Variants in ARL13B observed in about 807,000 individuals in gnomAD.
ARL13B encodes the protein ARF like GTPase 13B.
ARL13B carries 36 observed loss-of-function variants against 56.1 expected under a neutral mutation model. That is an observed-to-expected ratio of 0.64 (90% CI 0.49 to 0.85). The LOEUF is 0.85. ARL13B is among the 40% of genes least tolerant of loss of function. The probability of loss-of-function intolerance (pLI) is 0.00; values close to 1 mark genes in which losing one functional copy is unlikely to be tolerated. For synonymous variants in ARL13B, 178 were observed against 171.1 expected (o/e 1.04, Z -0.32); for missense variants, 519 against 507.1 (o/e 1.02, Z -0.23).
chr3:94,034,857 A>G (rs1486704422), intron 3 of ARL13B, among the ~76,000 whole-genome samples: 1 of 152,200 alleles, frequency 6.6e-6, no homozygotes, highest in Non-Finnish European at 1.5e-5. Context: ...TAGCAATAAT[A>G]AGGGAAAAAT....
At chr3:94,019,505 T>A (rs1575990963) in intron 3 of ARL13B, among the ~76,000 whole-genome samples, 1 of 152,180 alleles carries the variant, frequency 6.6e-6, no homozygotes, top group African/African-American at 2.4e-5. Context: ...AAGTCCCTGT[T>A]ATTTTTCATC....
intron 2 of ARL13B, among the ~76,000 whole-genome samples, chr3:94,001,650 A>G (rs1456328617): frequency 6.6e-6 from 1 of 152,030 alleles, no homozygotes; most frequent in African/African-American, 2.4e-5. Flanking sequence ...TCTATATTAC[A>G]TTGTACTTTG....
At chr3:94,045,950 C>CAAAAAA (rs1199964643) in intron 7 of ARL13B, among the ~76,000 whole-genome samples, 8 of 44,316 alleles carry the variant, frequency 1.8e-4, no homozygotes, top group African/African-American at 3.3e-4. Flanking sequence ...GACTCCATCA[C>CAAAAAA]AAAAAAAAAA....
chr3:94,039,811 T>TG (rs1249093332), intron 5 of ARL13B, 69 bp from the exon 6 acceptor site: 1 of 1,282,118 alleles, frequency 7.8e-7, no homozygotes, highest in Non-Finnish European at 1.1e-6. Flanking sequence ...TTATACCTAT[T>TG]GCAGTTTTCT....
chr3:93,997,221 A>T (rs1371801733), intron 2 of ARL13B, among the ~76,000 whole-genome samples: 2 of 152,178 alleles, frequency 1.3e-5, no homozygotes, highest in Non-Finnish European at 2.9e-5. Flanking sequence ...TGCTTGAATC[A>T]TCCTGAAACC....
chr3:94,010,106 T>C (rs919016224), intron 3 of ARL13B, among the ~76,000 whole-genome samples: 17 of 152,104 alleles, frequency 1.1e-4, no homozygotes, highest in Admixed American at 7.9e-4. Flanking sequence ...TTCTGATTTA[T>C]AGCAAAAATT....
chr3:94,005,055 A>G (rs1033133260), intron 3 of ARL13B, among the ~76,000 whole-genome samples: 8 of 151,998 alleles, frequency 5.3e-5, no homozygotes, highest in African/African-American at 1.9e-4. Flanking sequence ...TTTTTCATTT[A>G]CTCTTTTCTG....
intron 8 of ARL13B, among the ~76,000 whole-genome samples, chr3:94,050,129 A>G (rs1254442597): frequency 6.9e-6 from 1 of 144,926 alleles, no homozygotes; most frequent in Non-Finnish European, 1.5e-5. Flanking sequence ...ACTCCATTGC[A>G]CTCCAGCCTG....
At chr3:94,015,053 GC>G in intron 3 of ARL13B, 1 of 1,613,940 alleles carries the variant, frequency 6.2e-7, no homozygotes, top group Non-Finnish European at 8.5e-7. Context: ...TTCTGTTGCT[GC>G]CCAAATTTTT....
intron 1 of ARL13B, among the ~76,000 whole-genome samples, chr3:93,987,614 A>G (rs1276858202): frequency 6.6e-6 from 1 of 152,114 alleles, no homozygotes; most frequent in South Asian, 2.1e-4. Flanking sequence ...ATTGTACACA[A>G]TTCTTAACAT....
At chr3:94,044,771 A>T (rs1320284674) in intron 7 of ARL13B, among the ~76,000 whole-genome samples, 3 of 81,286 alleles carry the variant, frequency 3.7e-5, no homozygotes, top group African/African-American at 4.9e-5. Flanking sequence ...GGCCGCCCCG[A>T]ATGGGAAGTG....
At chr3:94,009,915 T>TC in intron 3 of ARL13B, among the ~76,000 whole-genome samples, 1 of 152,174 alleles carries the variant, frequency 6.6e-6, no homozygotes, top group East Asian at 1.9e-4. Flanking sequence ...ATCCCTGCCT[T>TC]CCCTATCACT....
chr3:94,008,242 T>C (rs1011034306), intron 3 of ARL13B, among the ~76,000 whole-genome samples: 2 of 152,170 alleles, frequency 1.3e-5, no homozygotes, highest in African/African-American at 2.4e-5. Context: ...TATTTAGAAA[T>C]TAACTTTAGC....
At chr3:94,042,895 A>G in intron 6 of ARL13B, 120 bp from the exon 7 acceptor site, 1 of 736,716 alleles carries the variant, frequency 1.4e-6, no homozygotes, top group Non-Finnish European at 2.2e-6. Flanking sequence ...TTTTTAAAAT[A>G]GAAGTCTCAC....
At chr3:93,986,889 G>C (rs1377028688) in intron 1 of ARL13B, among the ~76,000 whole-genome samples, 1 of 152,110 alleles carries the variant, frequency 6.6e-6, no homozygotes, top group African/African-American at 2.4e-5. Context: ...AGAATTGCTT[G>C]CACCCAGGAG....
chr3:93,985,677 C>G (rs1639051323), intron 1 of ARL13B, among the ~76,000 whole-genome samples: 1 of 152,144 alleles, frequency 6.6e-6, no homozygotes, highest in South Asian at 2.1e-4. Context: ...CTTTAGTCAT[C>G]ATATTTCAAT....
chr3:93,991,903 A>G (rs912620780), intron 1 of ARL13B, among the ~76,000 whole-genome samples: 12 of 152,196 alleles, frequency 7.9e-5, no homozygotes, highest in Non-Finnish European at 4.4e-5. Flanking sequence ...TTAATTCCCT[A>G]AAACATTTAA....
intron 3 of ARL13B, among the ~76,000 whole-genome samples, chr3:94,020,650 TA>T (rs992285633): frequency 2.6e-5 from 4 of 152,320 alleles, no homozygotes; most frequent in African/African-American, 9.6e-5. Context: ...TTATAGATAT[TA>T]AAAGTTTATT....
At chr3:94,047,408 C>T (rs2077000136) in intron 7 of ARL13B, among the ~76,000 whole-genome samples, 1 of 152,148 alleles carries the variant, frequency 6.6e-6, no homozygotes, top group Non-Finnish European at 1.5e-5. Context: ...GAATAGTTCT[C>T]TACTGCTTGT....
Sources: gnomAD v4.1 joint callset for allele counts (sites outside exome capture counted in the v4.1 genomes callset) on GRCh38, gnomAD v4.1.1 for gene constraint, MANE v1.5 for transcripts, NCBI Gene and HGNC (gene_info 2026-07-23, HGNC 2026-07-21) for gene names.